TBC1D5: variants seen among roughly 807,000 people sequenced by gnomAD.
The protein encoded by TBC1D5 is TBC1 domain family member 5.
Under a neutral mutation model 100.3 loss-of-function variants are expected in TBC1D5, and 75 were observed. The ratio of observed to expected loss-of-function variants is 0.75; its 90% CI spans 0.62 to 0.91. The LOEUF (loss-of-function observed/expected upper bound fraction) is 0.91. Ranked by LOEUF, TBC1D5 falls within the 40% of genes least tolerant of loss-of-function variation. The pLI is 0.00. For synonymous variants in TBC1D5, 323 were observed against 325.6 expected (o/e 0.99, Z 0.09); for missense variants, 910 against 942.4 (o/e 0.97, Z 0.45).
chr3:17,352,917 CTG>C (rs2090803381), intron 13 of TBC1D5, among the ~76,000 whole-genome samples: 1 of 152,082 alleles, frequency 6.6e-6, no homozygotes, highest in African/African-American at 2.4e-5. Flanking sequence ...ATATATCAAA[CTG>C]TCTGTTGTCA....
At chr3:17,284,818 T>C (rs2080999459) in intron 15 of TBC1D5, among the ~76,000 whole-genome samples, 1 of 152,182 alleles carries the variant, frequency 6.6e-6, no homozygotes, top group African/African-American at 2.4e-5. Flanking sequence ...CTAATCTATG[T>C]CAAAAAGTCT....
At chr3:17,681,116 GA>G (rs1056063747) in intron 1 of TBC1D5, among the ~76,000 whole-genome samples, 1 of 151,462 alleles carries the variant, frequency 6.6e-6, no homozygotes, top group Non-Finnish European at 1.5e-5. Context: ...CCACACATAA[GA>G]CATAGTATTA....
chr3:17,738,085 GT>G (rs2077102309), intron 1 of TBC1D5, among the ~76,000 whole-genome samples: 2 of 152,126 alleles, frequency 1.3e-5, no homozygotes, highest in East Asian at 3.8e-4. Flanking sequence ...CCAAAGACAT[GT>G]TTTTTTCTAC....
chr3:17,321,614 C>T (rs1267136874), intron 13 of TBC1D5, among the ~76,000 whole-genome samples: 5 of 152,114 alleles, frequency 3.3e-5, no homozygotes. Context: ...CTGTTTTAGT[C>T]AAAACCAATA....
chr3:17,725,115 T>C (rs1385238270), intron 1 of TBC1D5, among the ~76,000 whole-genome samples: 2 of 152,192 alleles, frequency 1.3e-5, no homozygotes, highest in Non-Finnish European at 2.9e-5. Context: ...ATTTCTGTCG[T>C]TTTTGCTGCC....
chr3:17,302,570 T>G (rs1206678063), intron 14 of TBC1D5, among the ~76,000 whole-genome samples: 2 of 152,298 alleles, frequency 1.3e-5, no homozygotes, highest in South Asian at 2.1e-4. Flanking sequence ...TATCTATTTT[T>G]GGGGGATGTG....
At chr3:17,714,115 T>C (rs1180859135) in intron 1 of TBC1D5, among the ~76,000 whole-genome samples, 2 of 152,174 alleles carry the variant, frequency 1.3e-5, no homozygotes, top group African/African-American at 4.8e-5. Flanking sequence ...CAGAATAGAC[T>C]GTATTTGGAA....
At chr3:17,597,704 A>T (rs1042343017) in intron 2 of TBC1D5, among the ~76,000 whole-genome samples, 2 of 152,018 alleles carry the variant, frequency 1.3e-5, no homozygotes, top group Admixed American at 1.3e-4. Context: ...AATGACTCTT[A>T]ATCTCATATT....
intron 1 of TBC1D5, among the ~76,000 whole-genome samples, chr3:17,734,386 T>C (rs932026674): frequency 2.6e-5 from 4 of 152,232 alleles, no homozygotes; most frequent in Admixed American, 2.0e-4. Flanking sequence ...AATCATTCAT[T>C]AAACAGTATT....
chr3:17,403,909 T>C (rs972224360), intron 7 of TBC1D5, among the ~76,000 whole-genome samples: 1 of 152,174 alleles, frequency 6.6e-6, no homozygotes, highest in East Asian at 1.9e-4. Flanking sequence ...GCAGGACTCA[T>C]AGGCCAACTG....
At chr3:17,353,491 A>G (rs2090874254) in intron 13 of TBC1D5, among the ~76,000 whole-genome samples, 1 of 152,120 alleles carries the variant, frequency 6.6e-6, no homozygotes, top group East Asian at 1.9e-4. Flanking sequence ...GTTTGCATAA[A>G]TATCAGACAA....
chr3:17,177,045 C>A (rs2125338906), intron 19 of TBC1D5, among the ~76,000 whole-genome samples: 1 of 152,156 alleles, frequency 6.6e-6, no homozygotes, highest in South Asian at 2.1e-4. Context: ...GACAGAGAAA[C>A]CAAAATGCTA....
At chr3:17,241,349 G>A (rs1215390312) in intron 16 of TBC1D5, among the ~76,000 whole-genome samples, 1 of 152,150 alleles carries the variant, frequency 6.6e-6, no homozygotes, top group East Asian at 1.9e-4. Context: ...GAGAGCTGAT[G>A]GACAGCAGGG....
intron 13 of TBC1D5, among the ~76,000 whole-genome samples, chr3:17,364,963 A>C (rs2092010716): frequency 1.3e-5 from 2 of 152,184 alleles, no homozygotes; most frequent in African/African-American, 4.8e-5. Flanking sequence ...GCATTTTTTA[A>C]AACATTTACT....
intron 17 of TBC1D5, among the ~76,000 whole-genome samples, chr3:17,229,655 T>C (rs927692304): frequency 3.3e-5 from 5 of 152,132 alleles, no homozygotes; most frequent in African/African-American, 1.2e-4. Context: ...GCAACAACCC[T>C]TGAAGTAGCT....
exon 19 of TBC1D5, chr3:17,185,118 T>C (rs751376239): frequency 2.5e-6 from 4 of 1,611,066 alleles, no homozygotes; most frequent in Non-Finnish European, 2.5e-6. Flanking sequence ...CCAAGATGAG[T>C]GTCCATCACC....
chr3:17,666,807 T>C (rs2067310533), intron 1 of TBC1D5, among the ~76,000 whole-genome samples: 1 of 152,094 alleles, frequency 6.6e-6, no homozygotes, highest in African/African-American at 2.4e-5. Flanking sequence ...CTGGGTGGAA[T>C]GACTTTCATT....
intron 2 of TBC1D5, among the ~76,000 whole-genome samples, chr3:17,590,525 C>A (rs928904925): frequency 6.6e-6 from 1 of 152,214 alleles, no homozygotes; most frequent in Non-Finnish European, 1.5e-5. Flanking sequence ...CTCATCCCAA[C>A]TGGGAGGGTC....
intron 15 of TBC1D5, among the ~76,000 whole-genome samples, chr3:17,264,484 CA>C (rs755972554): frequency 1.3e-5 from 2 of 152,172 alleles, no homozygotes; most frequent in Non-Finnish European, 2.9e-5. Context: ...AAAAGAATAT[CA>C]ATTCCAGAGA....
Sources: allele counts gnomAD v4.1 joint callset (sites outside exome capture counted in the v4.1 genomes callset), GRCh38; gene constraint gnomAD v4.1.1; transcripts MANE v1.5; gene names NCBI Gene and HGNC (gene_info 2026-07-23, HGNC 2026-07-21).